The following NPAS3 variants were observed in gnomAD, a reference collection of about 807,000 sequenced individuals.
NPAS3 encodes neuronal PAS domain-containing protein 3.
NPAS3 carries 14 observed loss-of-function variants against 73.1 expected under a neutral mutation model. The ratio of observed to expected loss-of-function variants is 0.19; its 90% CI spans 0.13 to 0.30. NPAS3 has a LOEUF of 0.30. Among genes scored for constraint, NPAS3 ranks in the 10% least tolerant of loss-of-function variants. NPAS3 has a pLI of 1.00. For synonymous variants in NPAS3, 620 were observed against 541.5 expected, an observed-to-expected ratio of 1.14 and a Z score of -2.01; for missense variants, 1,096 against 1,250.0, an observed-to-expected ratio of 0.88 and a Z score of 1.86.
intron 4 of NPAS3, among the ~76,000 whole-genome samples, chr14:33,557,759 G>A (rs1021119700): frequency 6.6e-6 from 1 of 152,202 alleles, no homozygotes; most frequent in Non-Finnish European, 1.5e-5. Context: ...CACGAGGTCA[G>A]GAGATCAAGG....
chr14:33,269,481 A>G (rs2040971928), intron 3 of NPAS3, among the ~76,000 whole-genome samples: 1 of 152,214 alleles, frequency 6.6e-6, no homozygotes, highest in Non-Finnish European at 1.5e-5. Context: ...TTTGAGCAGG[A>G]ACTAAACATA....
intron 5 of NPAS3, among the ~76,000 whole-genome samples, chr14:33,651,772 A>G (rs1472089968): frequency 6.6e-6 from 1 of 152,270 alleles, no homozygotes; most frequent in East Asian, 1.9e-4. Context: ...AATACATGTT[A>G]GTTTGGTTTG....
chr14:33,156,647 AT>A (rs1425790533), intron 2 of NPAS3, among the ~76,000 whole-genome samples: 11 of 152,180 alleles, frequency 7.2e-5, no homozygotes, highest in African/African-American at 2.4e-4. Context: ...CACTAAATAG[AT>A]TTCAATTAAA....
intron 2 of NPAS3, among the ~76,000 whole-genome samples, chr14:33,082,200 C>T (rs1413355178): frequency 6.6e-6 from 1 of 152,074 alleles, no homozygotes; most frequent in East Asian, 1.9e-4. Flanking sequence ...CGTTTGTGCT[C>T]CTAGAAACAA....
intron 1 of NPAS3, among the ~76,000 whole-genome samples, chr14:33,001,256 G>T (rs991274590): frequency 1.3e-5 from 2 of 152,068 alleles, no homozygotes; most frequent in African/African-American, 4.8e-5. Context: ...TCTGTGGGAG[G>T]TATATATGGG....
At chr14:33,036,815 A>G (rs1035171391) in intron 1 of NPAS3, among the ~76,000 whole-genome samples, 2 of 152,216 alleles carry the variant, frequency 1.3e-5, no homozygotes, top group African/African-American at 4.8e-5. Flanking sequence ...CCTGAGTTGA[A>G]CAAATTACAT....
chr14:33,599,212 C>T (rs889699782), intron 5 of NPAS3, among the ~76,000 whole-genome samples: 2 of 152,252 alleles, frequency 1.3e-5, no homozygotes, highest in East Asian at 1.9e-4. Context: ...GAAGTTGAAC[C>T]GTTTAAATCC....
At chr14:32,973,736 C>T (rs1566419965) in intron 1 of NPAS3, among the ~76,000 whole-genome samples, 1 of 151,868 alleles carries the variant, frequency 6.6e-6, no homozygotes, top group Non-Finnish European at 1.5e-5. Flanking sequence ...GGGGTTTAGC[C>T]ATGTTGGCCA....
At chr14:33,631,650 C>A (rs76854139) in intron 5 of NPAS3, among the ~76,000 whole-genome samples, 8,190 of 152,208 alleles carry the variant, frequency 0.054, 557 homozygotes, top group African/African-American at 0.15. Flanking sequence ...CTCTCTTTGG[C>A]GGTGCATCGA....
chr14:33,796,294 G>C (rs748611637), intron 10 of NPAS3, among the ~76,000 whole-genome samples: 1 of 152,024 alleles, frequency 6.6e-6, no homozygotes, highest in African/African-American at 2.4e-5. Flanking sequence ...CCATTCCCTC[G>C]TGATACTTAA....
At chr14:33,199,604 GA>G (rs1050409425) in intron 2 of NPAS3, among the ~76,000 whole-genome samples, 11 of 151,922 alleles carry the variant, frequency 7.2e-5, no homozygotes, top group African/African-American at 2.4e-4. Flanking sequence ...TTTCTGACAG[GA>G]AAAAATTTAT....
At chr14:33,462,086 G>A (rs554750824) in intron 4 of NPAS3, among the ~76,000 whole-genome samples, 1 of 152,174 alleles carries the variant, frequency 6.6e-6, no homozygotes, top group Non-Finnish European at 1.5e-5. Context: ...CTGAGCATTA[G>A]ATGAAGTGGA....
At chr14:33,028,044 T>C (rs913001219) in intron 1 of NPAS3, among the ~76,000 whole-genome samples, 2 of 152,204 alleles carry the variant, frequency 1.3e-5, no homozygotes, top group Admixed American at 6.5e-5. Flanking sequence ...TCATAAAATG[T>C]CACTTTTTTA....
At chr14:33,573,856 A>T (rs757832559) in intron 5 of NPAS3, among the ~76,000 whole-genome samples, 1 of 152,206 alleles carries the variant, frequency 6.6e-6, no homozygotes, top group Non-Finnish European at 1.5e-5. Context: ...TCCAGAAAAG[A>T]GGTGAAAGGT....
chr14:33,018,790 G>A (rs2138241200), intron 1 of NPAS3, among the ~76,000 whole-genome samples: 1 of 152,246 alleles, frequency 6.6e-6, no homozygotes, highest in East Asian at 1.9e-4. Flanking sequence ...ACAATTAATT[G>A]TAAGACATTT....
At chr14:33,435,599 A>T (rs941935253) in intron 4 of NPAS3, among the ~76,000 whole-genome samples, 18 of 152,240 alleles carry the variant, frequency 1.2e-4, no homozygotes, top group Admixed American at 2.6e-4. Context: ...TTCATGTTAA[A>T]TGATGATCAG....
At chr14:33,073,299 T>C (rs115504502) in intron 2 of NPAS3, among the ~76,000 whole-genome samples, 9,089 of 152,276 alleles carry the variant, frequency 0.06, 381 homozygotes, top group Admixed American at 0.091. Flanking sequence ...ATTTAATAAA[T>C]ATTTAGTGAA....
intron 5 of NPAS3, among the ~76,000 whole-genome samples, chr14:33,636,213 C>A (rs2058511513): frequency 6.6e-6 from 1 of 152,254 alleles, no homozygotes; most frequent in Non-Finnish European, 1.5e-5. Flanking sequence ...AGCCACCGTG[C>A]CTGGCCCTAA....
chr14:33,229,780 C>T (rs548103854), intron 3 of NPAS3, among the ~76,000 whole-genome samples: 2 of 152,248 alleles, frequency 1.3e-5, no homozygotes, highest in Admixed American at 6.5e-5. Flanking sequence ...CTTTTGTCAA[C>T]GACTCTAATA....
Sources: allele counts gnomAD v4.1 joint callset (sites outside exome capture counted in the v4.1 genomes callset), GRCh38; gene constraint gnomAD v4.1.1; transcripts MANE v1.5; gene names NCBI Gene and HGNC (gene_info 2026-07-23, HGNC 2026-07-21).